The following KLRD1 variants were observed in gnomAD, a reference collection of about 807,000 sequenced individuals.
KLRD1 encodes natural killer cells antigen CD94.
KLRD1 carries 21 observed loss-of-function variants against 22.6 expected under a neutral mutation model. The observed-to-expected ratio is 0.93, with a 90% CI of 0.66 to 1.34. The LOEUF (loss-of-function observed/expected upper bound fraction) is 1.34. KLRD1 is among the 40% of genes most tolerant of loss of function. The pLI, the probability that KLRD1 is intolerant of heterozygous loss-of-function variation, is 0.00. For missense variants in KLRD1, 183 were observed against 208.6 expected, an observed-to-expected ratio of 0.88 and a Z score of 0.76; for synonymous variants, 59 against 71.1, an observed-to-expected ratio of 0.83 and a Z score of 0.85.
intron 1 of KLRD1, among the ~76,000 whole-genome samples, chr12:10,271,321 T>C (rs1404754940): frequency 6.6e-6 from 1 of 152,126 alleles, no homozygotes; most frequent in Non-Finnish European, 1.5e-5. Context: ...AACCAGGAAA[T>C]TGTGTATGAA....
intron 1 of KLRD1, among the ~76,000 whole-genome samples, chr12:10,277,532 T>C (rs935082942): frequency 4.6e-5 from 7 of 152,148 alleles, no homozygotes; most frequent in African/African-American, 1.7e-4. Flanking sequence ...AATTTGTGAA[T>C]TTGGGACTCA....
Position 10,299,183 on chromosome 12 carries a change from T to A in KLRD1, c.-100-8795T>A, listed in dbSNP as rs968327947. ...GTTACCATTAGGGTTCCATTCTGCG[T>A]TTTTTTTTTTTAATTATGTTTTGTT... On this transcript the variant is annotated intron_variant, in intron 1 of 5. Coordinates refer to the KLRD1 transcript ENST00000544747. Among the ~76,000 whole-genome samples, 20 of 141,472 alleles carry A rather than the reference T, an allele frequency of 1.4e-4. No individual in the cohort carries two copies. In the South Asian group the frequency reaches 2.4e-3, roughly 17 times the overall value. 92.8% of individuals were successfully genotyped at this position (141,472 alleles called of 152,430 possible).
At chr12:10,265,406 C>A (rs1949489746) in intron 1 of KLRD1, among the ~76,000 whole-genome samples, 1 of 152,140 alleles carries the variant, frequency 6.6e-6, no homozygotes, top group Non-Finnish European at 1.5e-5. Flanking sequence ...TATATTTCAA[C>A]ATATATATCT....
At chr12:10,239,423 T>C (rs1248240359) in intron 1 of KLRD1, among the ~76,000 whole-genome samples, 1 of 35,504 alleles carries the variant, frequency 2.8e-5, no homozygotes, top group Non-Finnish European at 5.5e-5. Context: ...CTTCTTTCCA[T>C]CCTTCCTTCC....
rs2137758532 is a variant in KLRD1 at position 10,327,823 on chromosome 12, G to T, written c.*13030G>T. Reference sequence around the variant, plus strand: ...TTACATATAGGGCCTTCAAAATGTTGAAATATTTTTCTCAAATTCTAGGTT... The same window carrying T: ...TTACATATAGGGCCTTCAAAATGTTTAAATATTTTTCTCAAATTCTAGGTT... On this transcript the variant is annotated 3_prime_UTR_variant, in exon 6 of 6. Transcript: ENST00000336164. 1 of 152,254 alleles carries T rather than the reference G, an allele frequency of 6.6e-6. No homozygotes were observed. Among genetic ancestry groups the T allele is most frequent in the South Asian group, 2.1e-4 (1 of 4,828 alleles). The allele number at this position is 152,254 out of a possible 1,614,324, so 9.4% of individuals were successfully genotyped here. A position where few individuals can be genotyped will look rare whatever the true frequency, so the allele number is the denominator to read the frequency against.
At chr12:10,273,198 C>T (rs557260916) in intron 1 of KLRD1, among the ~76,000 whole-genome samples, 1 of 152,044 alleles carries the variant, frequency 6.6e-6, no homozygotes, top group African/African-American at 2.4e-5. Context: ...AAAATTTTTA[C>T]AGTCATTAAA....
At chr12:10,262,636 T>G (rs1317704725) in intron 1 of KLRD1, among the ~76,000 whole-genome samples, 6 of 152,090 alleles carry the variant, frequency 3.9e-5, no homozygotes, top group Admixed American at 3.9e-4. Context: ...CTTTGTTTTG[T>G]GATATTATGT....
At chr12:10,278,951 CTT>C (rs1167243705) in intron 1 of KLRD1, among the ~76,000 whole-genome samples, 12 of 75,742 alleles carry the variant, frequency 1.6e-4, no homozygotes, top group Admixed American at 1.3e-4. Context: ...TTTTACAATT[CTT>C]TTTTTTTTTT....
At chr12:10,286,142 T>A (rs1009785617) in intron 1 of KLRD1, among the ~76,000 whole-genome samples, 1 of 152,126 alleles carries the variant, frequency 6.6e-6, no homozygotes, top group African/African-American at 2.4e-5. Flanking sequence ...AACTCTGTGG[T>A]TGGAAACATT....
chr12:10,284,199 T>TAAC (rs575422907), intron 1 of KLRD1, among the ~76,000 whole-genome samples: 1,748 of 147,456 alleles, frequency 0.012, 7 homozygotes, highest in Middle Eastern at 0.014. Context: ...AAAACAACAG[T>TAAC]AACAACAACA....
rs1237331699 is a variant in KLRD1, at chr12:10,324,187, T to C, written c.*9394T>C. On this transcript the variant is annotated 3_prime_UTR_variant, in exon 6 of 6. Transcript: ENST00000336164. ...GATTCCTTTTTACTTCTGAGAGTCT[T>C]CTGATCCTTGAGTAAAGTATGTTTC... is the stretch of plus-strand genomic sequence containing the variant. The C allele has an allele frequency of 6.6e-6, 1 of 152,174 alleles. No homozygotes were observed. The highest frequency in any genetic ancestry group is 1.9e-4 in the East Asian group (1 of 5,190). The allele number at this position is 152,174 out of a possible 1,614,324, so 9.4% of individuals were successfully genotyped here.
chr12:10,308,045 C>T lies in KLRD1; in HGVS notation c.-33C>T, dbSNP rs1476592111. ...CTTTCTGAAAAAGTACACATCGTGC[C>T]TTCTCTACTTCGCTCTTGGAACATA... On this transcript the variant is annotated 5_prime_UTR_variant, in exon 1 of 6. Coordinates refer to ENST00000336164, the MANE Select transcript of KLRD1 (RefSeq NM_002262.5). 1 of 1,604,998 alleles carries T rather than the reference C, an allele frequency of 6.2e-7. No individual in the cohort carries two copies. The highest frequency in any genetic ancestry group is 8.5e-7 in the Non-Finnish European group (1 of 1,171,962).
chr12:10,303,862 A>T (rs1949887695), upstream of KLRD1, among the ~76,000 whole-genome samples: 1 of 152,186 alleles, frequency 6.6e-6, no homozygotes, highest in African/African-American at 2.4e-5. Flanking sequence ...ATCTAGGGGG[A>T]AAAGAAGTCC....
At chr12:10,311,351 T>G in intron 3 of KLRD1, 113 bp from the exon 4 acceptor site, 1 of 968,570 alleles carries the variant, frequency 1.0e-6, no homozygotes, top group Non-Finnish European at 1.6e-6. Context: ...GTGTATACAG[T>G]AGATTCTGAA....
At chr12:10,290,915 C>T (rs1188365748) in intron 1 of KLRD1, among the ~76,000 whole-genome samples, 1 of 151,978 alleles carries the variant, frequency 6.6e-6, no homozygotes, top group Non-Finnish European at 1.5e-5. Context: ...TGGATTGTAC[C>T]AATGTCAATT....
In KLRD1 at chr12:10,312,974, A is replaced by G. The variant is rs367675723; in HGVS notation, c.316-436A>G. ...TGCACTCCAGCCTGGGCGACAGAGCAAGACTCCCTCTCAACAAAAAGAAAA... is the reference window on the plus strand; with the variant it reads ...TGCACTCCAGCCTGGGCGACAGAGCGAGACTCCCTCTCAACAAAAAGAAAA... On this transcript the variant is annotated intron_variant, in intron 4 of 5. Transcript: ENST00000336164. Among the ~76,000 whole-genome samples, 14 of 151,780 alleles carry G rather than the reference A, an allele frequency of 9.2e-5. No homozygotes were observed. The East Asian group carries it at 2.2e-3, about 24-fold the overall frequency.
chr12:10,316,097 G>A lies in KLRD1; in HGVS notation c.*1304G>A, dbSNP rs966126665. ...TGCACCACTGCACTCCAGCCTGGGT[G>A]ACAGAGCCAGACTCCTCTCCAAAAA... On this transcript the variant is annotated 3_prime_UTR_variant, in exon 6 of 6. Transcript: ENST00000336164. 35 of 118,110 alleles carry A rather than the reference G, an allele frequency of 3.0e-4. No homozygotes were observed. Among genetic ancestry groups the A allele is most frequent in the African/African-American group, 1.2e-3 (35 of 28,612 alleles). 7.3% of individuals were successfully genotyped at this position (118,110 alleles called of 1,614,324 possible).
rs564119994 is a variant in KLRD1 at position 10,321,311 on chromosome 12, T to C, written c.*6518T>C. ...CAAGCCTTCACATGGAGAAAAATGA[T>C]ACTCAAGAAGCTAAACTTAAGGAAC... On this transcript the variant is annotated 3_prime_UTR_variant, in exon 6 of 6. Transcript: ENST00000336164. The C allele has an allele frequency of 4.6e-5, 7 of 152,336 alleles. No homozygotes were observed. The South Asian group carries it at 1.4e-3, about 32-fold the overall frequency. The allele number at this position is 152,336 out of a possible 1,614,324, so 9.4% of individuals were successfully genotyped here.
chr12:10,301,902 G>A (rs1949869437), upstream of KLRD1, among the ~76,000 whole-genome samples: 1 of 152,044 alleles, frequency 6.6e-6, no homozygotes, highest in African/African-American at 2.4e-5. Context: ...GCCAAATTTT[G>A]GCATTGTTGT....
Sources: allele counts gnomAD v4.1 joint callset (sites outside exome capture counted in the v4.1 genomes callset), GRCh38; gene constraint gnomAD v4.1.1; transcripts MANE v1.5; gene names NCBI Gene and HGNC (gene_info 2026-07-23, HGNC 2026-07-21).